LMF1: variants seen among roughly 807,000 people sequenced by gnomAD.
LMF1 encodes transmembrane protein 112.
In LMF1, 68 loss-of-function variants were observed where a neutral mutation model predicts 60.6. The ratio of observed to expected loss-of-function variants is 1.12; its 90% CI spans 0.92 to 1.37. The LOEUF (loss-of-function observed/expected upper bound fraction) is 1.37, where lower values mean the gene tolerates loss of function less well. LMF1 is among the 40% of genes most tolerant of loss of function. LMF1 has a pLI of 0.00. For missense variants in LMF1, 948 were observed against 767.2 expected (o/e 1.24, Z -2.78); for synonymous variants, 418 against 324.7 (o/e 1.29, Z -3.09).
intron 10 of LMF1, among the ~76,000 whole-genome samples, chr16:857,916 G>A (rs1369284927): frequency 9.9e-5 from 2 of 20,136 alleles, no homozygotes; most frequent in East Asian, 1.4e-3. Flanking sequence ...ATGGGTGTGC[G>A]TGGTGTCTCG....
chr16:934,396 T>A, intron 2 of LMF1, 142 bp from the exon 3 acceptor site: 3 of 1,014,088 alleles, frequency 3.0e-6, no homozygotes, highest in Non-Finnish European at 4.5e-6. Context: ...ACCTGCCCGC[T>A]GGGCATTAGG....
chr16:968,227 A>G (rs557495171), intron 1 of LMF1: 96 of 152,308 alleles, frequency 6.3e-4, no homozygotes, highest in African/African-American at 2.2e-3. Flanking sequence ...CGGCCTCTCC[A>G]GGTCTGGCTT....
At chr16:912,583 C>G (rs1349073699) in intron 3 of LMF1, among the ~76,000 whole-genome samples, 4 of 152,204 alleles carry the variant, frequency 2.6e-5, no homozygotes, top group African/African-American at 9.7e-5. Context: ...ACGGTCAGTC[C>G]TTATGCTGCC....
rs1367017632 is a variant in LMF1, at chr16:893,051, C to G, written c.685G>C (p.Asp229His). The change falls in exon 5 of 11, where the codon GAC (aspartate) becomes CAC (histidine). Residue 229 changes from aspartate (D) to histidine (H), a missense_variant. Physicochemically the swap from Asp to His is moderately conservative, Grantham distance 81 (BLOSUM62 -1). Transcript: ENST00000262301. The stretch of plus-strand genomic sequence containing the variant: ...CAGGTGAGGTCTCGCCAGCACCGGT[C>G]CCCCCGGATCTTGATCAGGCCCTGC... ...LGAGLIKIRG[D>H]RCWRDLTCMD... is the part of the protein sequence containing the mutation. 6.4e-7 allele frequency: 1 copy of G among 1,552,846 alleles called. No homozygotes were observed. Among genetic ancestry groups the G allele is most frequent in the Non-Finnish European group, 8.7e-7 (1 of 1,148,342 alleles).
At chr16:977,632 G>A (rs769181678) in intron 1 of LMF1, among the ~76,000 whole-genome samples, 2 of 151,284 alleles carry the variant, frequency 1.3e-5, no homozygotes, top group Middle Eastern at 3.4e-3. Flanking sequence ...CTCAGAGGCC[G>A]CACAAAAGAT....
chr16:947,010 C>T (rs1475008762), intron 2 of LMF1, among the ~76,000 whole-genome samples: 1 of 152,246 alleles, frequency 6.6e-6, no homozygotes, highest in South Asian at 2.1e-4. Context: ...GGTCAGCTCA[C>T]AGGCAGGACT....
intron 1 of LMF1, among the ~76,000 whole-genome samples, chr16:966,945 G>A (rs2072936718): frequency 6.6e-6 from 1 of 152,246 alleles, no homozygotes. Flanking sequence ...AATGCATTGT[G>A]TACATATACT....
Position 962,795 on chromosome 16 carries a change from G to A in LMF1, c.193+7993C>T, listed in dbSNP as rs1425245319. On this transcript the variant is annotated intron_variant, in intron 1 of 10. Coordinates refer to ENST00000262301, the MANE Select transcript of LMF1 (RefSeq NM_022773.4). The surrounding 1 kb of genome is among the most constrained non-coding windows in gnomAD (Gnocchi z 4.5). ...CACGGGTGGAAAAGCCATAGAGTCT[G>A]CAGTTTCAGTTAATAGTTTTATTTT... Among the ~76,000 whole-genome samples the A allele has an allele frequency of 6.6e-6, 1 of 152,144 alleles. No individual in the cohort carries two copies. The highest frequency in any genetic ancestry group is 1.5e-5 in the Non-Finnish European group (1 of 68,028).
intron 3 of LMF1, among the ~76,000 whole-genome samples, chr16:926,349 T>C (rs2071602399): frequency 6.6e-6 from 1 of 152,226 alleles, no homozygotes; most frequent in Admixed American, 6.5e-5. Context: ...TCTGTGCGCA[T>C]GTGTGCACGT....
chr16:936,932 T>G (rs895261912), intron 2 of LMF1, among the ~76,000 whole-genome samples: 8 of 152,282 alleles, frequency 5.3e-5, no homozygotes, highest in African/African-American at 1.4e-4. Context: ...GCGCTACTAT[T>G]GCACTCCAGC....
chr16:927,495 G>A (rs1008073150), intron 3 of LMF1, among the ~76,000 whole-genome samples: 5 of 152,248 alleles, frequency 3.3e-5, no homozygotes, highest in Non-Finnish European at 5.9e-5. Flanking sequence ...GTTGCAGCCC[G>A]GCAGCTGAGC....
At chr16:963,287 C>T (rs547458014) in intron 1 of LMF1, among the ~76,000 whole-genome samples, 6 of 152,246 alleles carry the variant, frequency 3.9e-5, no homozygotes, top group African/African-American at 1.4e-4. Flanking sequence ...GGACACCTCG[C>T]GGTAGGCCCT....
intron 3 of LMF1, among the ~76,000 whole-genome samples, chr16:932,835 G>A (rs1012483474): frequency 1.3e-5 from 2 of 152,164 alleles, no homozygotes; most frequent in African/African-American, 4.8e-5. Flanking sequence ...GCGCACTGCG[G>A]GGGAGGCCCA....
At chr16:970,465 G>C (rs994586913) in intron 1 of LMF1, among the ~76,000 whole-genome samples, 2 of 152,188 alleles carry the variant, frequency 1.3e-5, no homozygotes, top group African/African-American at 4.8e-5. Context: ...TCCTGGGCCA[G>C]GGCCCGGGCC....
chr16:948,267 CAG>C (rs1486693388), intron 2 of LMF1, among the ~76,000 whole-genome samples: 1 of 150,984 alleles, frequency 6.6e-6, no homozygotes. Flanking sequence ...CAGCCAACGA[CAG>C]AGTCAGCCAA....
At chr16:932,693 T>A (rs189203779) in intron 3 of LMF1, among the ~76,000 whole-genome samples, 7 of 152,334 alleles carry the variant, frequency 4.6e-5, no homozygotes, top group Admixed American at 4.6e-4. Flanking sequence ...CTGCTAAGAT[T>A]ATAGGCATAA....
At chr16:963,706 A>G (rs1032212512) in intron 1 of LMF1, among the ~76,000 whole-genome samples, 1 of 152,016 alleles carries the variant, frequency 6.6e-6, no homozygotes, top group Non-Finnish European at 1.5e-5. Flanking sequence ...CCTCACCACA[A>G]CGCAAACTCC....
At chr16:855,311 A>T in intron 10 of LMF1, 1 of 264,046 alleles carries the variant, frequency 3.8e-6, no homozygotes, top group Middle Eastern at 1.4e-3. Context: ...GTCATGCCCG[A>T]GTGGGATGAA....
intron 3 of LMF1, among the ~76,000 whole-genome samples, chr16:918,970 C>T (rs780681628): frequency 6.6e-6 from 1 of 152,258 alleles, no homozygotes. Context: ...AGCGGTGGGA[C>T]GAGCTCTCGG....
Sources: gnomAD v4.1 joint callset for allele counts (sites outside exome capture counted in the v4.1 genomes callset) on GRCh38, gnomAD v4.1.1 for gene constraint, Gnocchi (gnomAD v3.1) non-coding constraint, MANE v1.5 for transcripts, NCBI Gene and HGNC (gene_info 2026-07-23, HGNC 2026-07-21) for gene names.